Variants in MEGF10 observed in about 807,000 individuals in gnomAD.
MEGF10 encodes the protein multiple epidermal growth factor-like domains protein 10.
MEGF10 carries 86 observed loss-of-function variants against 147.5 expected under a neutral mutation model. That is an observed-to-expected ratio of 0.58 (90% CI 0.49 to 0.70). The LOEUF (loss-of-function observed/expected upper bound fraction) is 0.70, where lower values mean the gene tolerates loss of function less well. Among genes scored for constraint, MEGF10 ranks in the 30% least tolerant of loss-of-function variants. MEGF10 has a pLI of 0.00. For synonymous variants in MEGF10, 478 were observed against 525.5 expected, an observed-to-expected ratio of 0.91 and a Z score of 1.24; for missense variants, 1,329 against 1,487.3, an observed-to-expected ratio of 0.89 and a Z score of 1.75.
intron 16 of MEGF10, 73 bp downstream of exon 16, chr5:127,435,562 T>A (rs1318218501): frequency 5.0e-6 from 7 of 1,408,302 alleles, no homozygotes; most frequent in Non-Finnish European, 6.7e-6. Flanking sequence ...GATTGAAGTA[T>A]GAGTGTTTTT....
chr5:127,416,739 C>G (rs1004035519), intron 9 of MEGF10, among the ~76,000 whole-genome samples: 2 of 152,128 alleles, frequency 1.3e-5, no homozygotes, highest in Non-Finnish European at 2.9e-5. Context: ...ACTTGGCAGA[C>G]TAGGACATCA....
At chr5:127,351,218 G>C (rs1051398873) in intron 4 of MEGF10, among the ~76,000 whole-genome samples, 1 of 151,808 alleles carries the variant, frequency 6.6e-6, no homozygotes, top group African/African-American at 2.4e-5. Context: ...TTTTTTATCT[G>C]TGTAAAAAAC....
At chr5:127,426,828 T>C (rs1197019774) in intron 13 of MEGF10, among the ~76,000 whole-genome samples, 1 of 152,214 alleles carries the variant, frequency 6.6e-6, no homozygotes, top group Non-Finnish European at 1.5e-5. Flanking sequence ...TTACAGCTAA[T>C]CAAGATTTCA....
intron 18 of MEGF10, among the ~76,000 whole-genome samples, chr5:127,442,200 G>A (rs1014719292): frequency 4.6e-5 from 7 of 152,188 alleles, no homozygotes; most frequent in African/African-American, 1.2e-4. Context: ...GCAAATTAAA[G>A]TGTCCCTATT....
At chr5:127,346,855 A>G (rs886523463) in intron 4 of MEGF10, among the ~76,000 whole-genome samples, 1 of 152,076 alleles carries the variant, frequency 6.6e-6, no homozygotes, top group Non-Finnish European at 1.5e-5. Context: ...GATTTTTTTG[A>G]GTTTAGGAAT....
chr5:127,382,374 G>C (rs768352853), intron 5 of MEGF10, among the ~76,000 whole-genome samples: 1 of 152,100 alleles, frequency 6.6e-6, no homozygotes, highest in Non-Finnish European at 1.5e-5. Flanking sequence ...AAACCAAATG[G>C]TTTTACTACT....
intron 7 of MEGF10, among the ~76,000 whole-genome samples, chr5:127,399,137 C>A (rs990992610): frequency 1.3e-5 from 2 of 152,112 alleles, no homozygotes; most frequent in African/African-American, 4.8e-5. Flanking sequence ...ATTTAACAAT[C>A]ATTTTCATAA....
intron 5 of MEGF10, among the ~76,000 whole-genome samples, chr5:127,390,603 A>G (rs908480004): frequency 6.6e-6 from 1 of 152,020 alleles, no homozygotes; most frequent in Non-Finnish European, 1.5e-5. Context: ...TTTAAAATCT[A>G]CTTTTTATAA....
At chr5:127,241,165 A>G in the MEGF10 span, among the ~76,000 whole-genome samples, 1 of 152,246 alleles carries the variant, frequency 6.6e-6, no homozygotes, top group East Asian at 1.9e-4. Context: ...TTTGATAATT[A>G]TTAGTGTATT....
chr5:127,381,217 G>A (rs756657103), intron 5 of MEGF10, among the ~76,000 whole-genome samples: 4 of 152,166 alleles, frequency 2.6e-5, no homozygotes, highest in Non-Finnish European at 5.9e-5. Flanking sequence ...CAAATGAACA[G>A]TAAGAAATTA....
intron 12 of MEGF10, 135 bp from the exon 13 acceptor site, chr5:127,422,535 T>G (rs1304887854): frequency 1.6e-6 from 1 of 632,180 alleles, no homozygotes; most frequent in Admixed American, 3.0e-5. Context: ...AAAAAATAAA[T>G]AAAGATACAT....
the MEGF10 span, among the ~76,000 whole-genome samples, chr5:127,254,894 C>A: frequency 2.0e-5 from 3 of 151,028 alleles, no homozygotes; most frequent in Non-Finnish European, 4.4e-5. Flanking sequence ...CAGATAAAAC[C>A]AACTCACTGA....
At chr5:127,391,336 G>A (rs966115370) in intron 5 of MEGF10, among the ~76,000 whole-genome samples, 2 of 152,002 alleles carry the variant, frequency 1.3e-5, no homozygotes, top group Non-Finnish European at 2.9e-5. Context: ...AGCACTTTGG[G>A]ATGCCAAGGT....
intron 2 of MEGF10, among the ~76,000 whole-genome samples, chr5:127,336,010 C>T (rs529723926): frequency 1.9e-4 from 27 of 141,734 alleles, no homozygotes; most frequent in Non-Finnish European, 2.8e-4. Context: ...CTTAAGTGGA[C>T]GCTTCAGTTT....
chr5:127,452,755 G>A (rs1766202417), intron 22 of MEGF10, among the ~76,000 whole-genome samples: 2 of 152,196 alleles, frequency 1.3e-5, no homozygotes, highest in South Asian at 4.2e-4. Flanking sequence ...CTATTGGGCA[G>A]GACAGTCCAA....
intron 22 of MEGF10, among the ~76,000 whole-genome samples, chr5:127,449,640 G>T (rs928018449): frequency 9.2e-5 from 14 of 152,090 alleles, no homozygotes; most frequent in African/African-American, 3.4e-4. Flanking sequence ...AGCTAGTATT[G>T]GACCCTGTCA....
At chr5:127,447,061 G>T (rs1288998621) in intron 20 of MEGF10, among the ~76,000 whole-genome samples, 1 of 152,232 alleles carries the variant, frequency 6.6e-6, no homozygotes, top group East Asian at 1.9e-4. Context: ...CAAGGAGGCA[G>T]TTAGGAAGGT....
Position 127,396,560 on chromosome 5 carries a change from C to A in MEGF10, c.441C>A (p.His147Gln). 6.3e-7 allele frequency: 1 copy of A among 1,582,046 alleles called. No individual in the cohort carries two copies. Among genetic ancestry groups the A allele is most frequent in the Non-Finnish European group, 8.6e-7 (1 of 1,160,668 alleles). Residue 147 changes from histidine to glutamine, a missense_variant, in exon 6 of 25, where the codon CAC (histidine) becomes CAA (glutamine). His to Gln is a conservative substitution (Grantham distance 24). Around this residue, in one of 3 missense-constraint regions of MEGF10, gnomAD observed 980 missense variants for 1,085.9 expected, o/e 0.90. Coordinates refer to ENST00000503335, the MANE Select transcript of MEGF10 (RefSeq NM_001256545.2). ...SACDGDHWGP[H>Q]CTSRCQCKNG... The stretch of plus-strand genomic sequence containing the variant: ...GCGATGGTGATCACTGGGGTCCCCA[C>A]TGCACCAGCCGGTGCCAGTGCAAAA...
chr5:127,382,447 G>A (rs1406343659), intron 5 of MEGF10, among the ~76,000 whole-genome samples: 2 of 152,128 alleles, frequency 1.3e-5, no homozygotes, highest in African/African-American at 4.8e-5. Flanking sequence ...AATTTTAATG[G>A]AATTGATTTG....
Sources: allele counts gnomAD v4.1 joint callset (sites outside exome capture counted in the v4.1 genomes callset), GRCh38; gene constraint gnomAD v4.1.1; regional missense constraint gnomAD v4.1.1; transcripts MANE v1.5; gene names NCBI Gene and HGNC (gene_info 2026-07-23, HGNC 2026-07-21).